The following KDM2B variants were observed in gnomAD, a reference collection of about 807,000 sequenced individuals.
KDM2B encodes the protein lysine-specific demethylase 2B.
A neutral mutation model predicts 150.0 loss-of-function variants in KDM2B; 26 were observed. The ratio of observed to expected loss-of-function variants is 0.17; its 90% confidence interval spans 0.13 to 0.24. The LOEUF (loss-of-function observed/expected upper bound fraction) is 0.24, where lower values mean the gene tolerates loss of function less well. Ranked by LOEUF, KDM2B falls within the 10% of genes least tolerant of loss-of-function variation. KDM2B has a pLI of 1.00. For synonymous variants in KDM2B, 734 were observed against 729.5 expected, an observed-to-expected ratio of 1.01 and a Z score of -0.10; for missense variants, 1,265 against 1,816.9, an observed-to-expected ratio of 0.70 and a Z score of 5.52.
chr12:121,458,050 C>T (rs1385612466), intron 12 of KDM2B, among the ~76,000 whole-genome samples: 1 of 152,140 alleles, frequency 6.6e-6, no homozygotes, highest in Non-Finnish European at 1.5e-5. Context: ...CGGTTATACT[C>T]CCCAAAGTGA....
chr12:121,494,637 T>G lies in KDM2B; in HGVS notation c.1676A>C (p.Asp559Ala), dbSNP rs1555300560. Residue 559 changes from aspartate to alanine, a missense_variant, in exon 12 of 23, where the codon GAC (aspartate) becomes GCC (alanine). Around this residue, in one of 11 missense-constraint regions of KDM2B, gnomAD observed 69 missense variants for 85.7 expected, o/e 0.81. Transcript: ENST00000377071. The stretch of plus-strand genomic sequence containing the variant: ...GACCCCAGTGATGGCCAGACTAGGG[T>G]CATCATCTGCGTGCTCCTTCAGGAC... Reference protein sequence around the residue: ...KNVLKEHADDDPSLAITGVPV... With the variant: ...KNVLKEHADDAPSLAITGVPV... 1 of 1,612,960 alleles carries G rather than the reference T, an allele frequency of 6.2e-7. No homozygotes were observed. The highest frequency in any genetic ancestry group is 8.5e-7 in the Non-Finnish European group (1 of 1,179,552).
chr12:121,431,885 T>TC (rs1260644468), intron 22 of KDM2B, among the ~76,000 whole-genome samples: 23 of 148,312 alleles, frequency 1.6e-4, no homozygotes, highest in Non-Finnish European at 2.8e-4. Context: ...TTTTCTTTTT[T>TC]TTTTTTTTTT....
intron 1 of KDM2B, 89 bp from the exon 2 acceptor site, chr12:121,579,035 C>T: frequency 7.1e-7 from 1 of 1,407,426 alleles, no homozygotes; most frequent in Non-Finnish European, 9.7e-7. Context: ...ACAGGTGCAG[C>T]AGCCGAGCGC....
intron 8 of KDM2B, among the ~76,000 whole-genome samples, chr12:121,529,168 G>A (rs1432042252): frequency 6.6e-6 from 1 of 152,198 alleles, no homozygotes; most frequent in Non-Finnish European, 1.5e-5. Flanking sequence ...GCCAGGGATG[G>A]TTTAACATAC....
rs370706618 is a variant in KDM2B, at chr12:121,564,946, A to T, written c.397+9601T>A. Among the ~76,000 whole-genome samples, 6 of 151,956 alleles carry T rather than the reference A, an allele frequency of 3.9e-5. No homozygotes were observed. The East Asian group carries it at 9.6e-4, about 24-fold the overall frequency. On this transcript the variant is annotated intron_variant, in intron 4 of 22. Transcript: ENST00000377071. ...GGGGTTCAAGCAATTCTCCTGCCTCAGCTGGATAGGAGAGTAGCTGGGATT... is the reference window on the plus strand; with the variant it reads ...GGGGTTCAAGCAATTCTCCTGCCTCTGCTGGATAGGAGAGTAGCTGGGATT...
Position 121,518,331 on chromosome 12 carries a change from GC to G in KDM2B, c.1047+2653del, listed in dbSNP as rs1341901052. 6.6e-6 allele frequency among the ~76,000 whole-genome samples: 1 copy of G among 152,198 alleles called. No individual in the cohort carries two copies. The highest frequency in any genetic ancestry group is 2.4e-5 in the African/African-American group (1 of 41,446). On this transcript the variant is annotated intron_variant, in intron 9 of 22. Transcript: ENST00000377071. The surrounding 1 kb of genome is among the most constrained non-coding windows in gnomAD (Gnocchi z 4.4). ...ATTCTCTCCCCAGTGCCTTTTGTCTGCCTTGGCTCCTAAGGCATAAACAATT... is the reference window on the plus strand; with the variant it reads ...ATTCTCTCCCCAGTGCCTTTTGTCTGCTTGGCTCCTAAGGCATAAACAATT...
intron 11 of KDM2B, among the ~76,000 whole-genome samples, chr12:121,497,157 G>A (rs1229103582): frequency 1.3e-5 from 2 of 151,982 alleles, no homozygotes; most frequent in African/African-American, 4.8e-5. Flanking sequence ...TCCCAGCCCC[G>A]GCACATACAG....
chr12:121,568,122 C>T (rs1555315304), intron 4 of KDM2B, among the ~76,000 whole-genome samples: 1 of 152,098 alleles, frequency 6.6e-6, no homozygotes, highest in Non-Finnish European at 1.5e-5. Flanking sequence ...TAAGAGCCAA[C>T]CCTTTGAAAT....
Position 121,549,470 on chromosome 12 carries a change from C to T in KDM2B, c.566G>A (p.Arg189His), listed in dbSNP as rs578194588. 4.4e-6 allele frequency: 7 copies of T among 1,599,888 alleles called. No individual in the cohort carries two copies. Among genetic ancestry groups the T allele is most frequent in the East Asian group, 2.2e-5 (1 of 44,500 alleles). The change falls in exon 5 of 23, where the codon CGT becomes CAT. Residue 189 changes from arginine (R) to histidine (H), a missense_variant. Physicochemically the swap from Arg to His is conservative, Grantham distance 29 (BLOSUM62 0). Transcript: ENST00000377071. This position sits in a 1 kb window ranked among gnomAD's most constrained non-coding sequence, Gnocchi z 4.4. ...GGGCCCCGGACCTACCACAGTCGGA[C>T]GCTTGACCAAGTGCTCCAGCTTGGT... ...SHTKLEHLVK[R>H]PTVVDLVDWV...
At chr12:121,412,916 C>T in the KDM2B span, among the ~76,000 whole-genome samples, 3 of 151,724 alleles carry the variant, frequency 2.0e-5, no homozygotes, top group African/African-American at 7.3e-5. Flanking sequence ...GGGGTTTCAC[C>T]ATGTTGGCCA....
intron 4 of KDM2B, among the ~76,000 whole-genome samples, chr12:121,562,702 G>C (rs1555314025): frequency 6.6e-6 from 1 of 151,186 alleles, no homozygotes; most frequent in Admixed American, 6.6e-5. Context: ...GGAAGAGAGG[G>C]GGGAGGAGGA....
chr12:121,482,460 G>A (rs186058771), intron 12 of KDM2B, among the ~76,000 whole-genome samples: 58 of 152,014 alleles, frequency 3.8e-4, no homozygotes, highest in Admixed American at 2.6e-3. Context: ...CCGCCACCAC[G>A]CCCAGCTAAT....
intron 12 of KDM2B, among the ~76,000 whole-genome samples, chr12:121,483,332 G>T (rs1882368340): frequency 6.6e-6 from 1 of 151,874 alleles, no homozygotes; most frequent in Non-Finnish European, 1.5e-5. Context: ...GCTAGTGGAG[G>T]CTCCGTTCAC....
intron 20 of KDM2B, 24 bp downstream of exon 20, chr12:121,441,046 C>G (rs782614583): frequency 3.7e-6 from 6 of 1,613,576 alleles, no homozygotes; most frequent in Non-Finnish European, 5.1e-6. Context: ...CAGACACACT[C>G]GGGGCCACTG....
chr12:121,546,902 G>A (rs1271075374), intron 6 of KDM2B, among the ~76,000 whole-genome samples: 3 of 151,368 alleles, frequency 2.0e-5, no homozygotes, highest in Non-Finnish European at 4.4e-5. Flanking sequence ...TACCATGTTG[G>A]CCAAGCTGGT....
At chr12:121,540,017 G>A (rs1342035359) in intron 6 of KDM2B, among the ~76,000 whole-genome samples, 1 of 152,116 alleles carries the variant, frequency 6.6e-6, no homozygotes, top group African/African-American at 2.4e-5. Flanking sequence ...TGAGATCACA[G>A]ACATGAGCCA....
chr12:121,581,419 G>A (rs1204738062), upstream of KDM2B, among the ~76,000 whole-genome samples: 2 of 152,174 alleles, frequency 1.3e-5, no homozygotes, highest in Non-Finnish European at 2.9e-5. Context: ...GGTGTCATTA[G>A]GTCCCTGTCC....
intron 6 of KDM2B, 82 bp downstream of exon 6, chr12:121,548,795 A>T (rs1340568209): frequency 2.0e-6 from 2 of 1,008,718 alleles, no homozygotes; most frequent in Non-Finnish European, 3.1e-6. Context: ...ACTGATGGCC[A>T]GGAGCCTCCT....
In KDM2B at chr12:121,442,802, G is replaced by A. The variant is rs545617761; in HGVS notation, c.2639C>T (p.Ala880Val). 16 of 1,532,852 alleles carry A rather than the reference G, an allele frequency of 1.0e-5. No individual in the cohort carries two copies. Among genetic ancestry groups the A allele is most frequent in the South Asian group, 2.6e-5 (2 of 76,672 alleles). The allele number at this position is 1,532,852 out of a possible 1,614,324, so 95.0% of individuals were successfully genotyped here. A position where few individuals can be genotyped will look rare whatever the true frequency, so the allele number is the denominator to read the frequency against. The stretch of plus-strand genomic sequence containing the variant: ...GCGCCGGAGGGGCTTGTTGGCCAGC[G>A]CCATGCGGTCCTCGGCGTTCTTCCA... ...RSWKNAEDRMALANKPLRRFK... is the reference protein window; with the variant it reads ...RSWKNAEDRMVLANKPLRRFK... The change falls in exon 19 of 23, where the codon GCG (alanine) becomes GTG (valine). Residue 880 changes from alanine to valine, a missense_variant. Transcript: ENST00000377071. This position sits in a 1 kb window ranked among gnomAD's most constrained non-coding sequence, Gnocchi z 7.7.
Sources: gnomAD v4.1 joint callset for allele counts (sites outside exome capture counted in the v4.1 genomes callset) on GRCh38, gnomAD v4.1.1 for gene constraint, gnomAD v4.1.1 regional missense constraint, Gnocchi (gnomAD v3.1) non-coding constraint, MANE v1.5 for transcripts, NCBI Gene and HGNC (gene_info 2026-07-23, HGNC 2026-07-21) for gene names.